Variants in SHTN1 observed in about 807,000 individuals in gnomAD.
The protein encoded by SHTN1 is shootin-1.
A neutral mutation model predicts 83.1 loss-of-function variants in SHTN1; 42 were observed. That is an observed-to-expected ratio of 0.51 (90% CI 0.39 to 0.65). The LOEUF is 0.65. Among genes scored for constraint, SHTN1 ranks in the 30% least tolerant of loss-of-function variants. The pLI is 0.00. For missense variants in SHTN1, 622 were observed against 737.8 expected (o/e 0.84, Z 1.82); for synonymous variants, 224 against 247.7 (o/e 0.90, Z 0.90).
chr10:117,120,652 T>G (rs925519530), intron 1 of SHTN1, among the ~76,000 whole-genome samples: 1 of 152,156 alleles, frequency 6.6e-6, no homozygotes, highest in African/African-American at 2.4e-5. Flanking sequence ...AATAAAAAAG[T>G]AAAAACAACA....
intron 1 of SHTN1, among the ~76,000 whole-genome samples, chr10:116,999,125 A>G (rs1227807086): frequency 6.6e-6 from 1 of 152,184 alleles, no homozygotes; most frequent in Admixed American, 6.5e-5. Flanking sequence ...CAACACAACC[A>G]GCCCAGAAGC....
At chr10:117,114,933 C>G (rs528222144) in intron 1 of SHTN1, among the ~76,000 whole-genome samples, 2 of 152,298 alleles carry the variant, frequency 1.3e-5, no homozygotes, top group African/African-American at 4.8e-5. Context: ...GGACCGGGTT[C>G]TAGCACAGGC....
intron 1 of SHTN1, among the ~76,000 whole-genome samples, chr10:117,004,324 G>A (rs1194817445): frequency 6.6e-6 from 1 of 152,108 alleles, no homozygotes. Flanking sequence ...TGAAAAAAAT[G>A]ATTGACTGAA....
intron 7 of SHTN1, among the ~76,000 whole-genome samples, chr10:116,948,288 C>T (rs1230317906): frequency 1.3e-5 from 2 of 152,178 alleles, no homozygotes. Flanking sequence ...CCACTGGAGA[C>T]ACTTCCCTCT....
Position 117,065,850 on chromosome 10 carries a change from A to G in SHTN1, c.-188-17340T>C, listed in dbSNP as rs1282454438. 3.4e-3 allele frequency among the ~76,000 whole-genome samples: 153 copies of G among 45,124 alleles called. 2 individuals carry two copies. The highest frequency in any genetic ancestry group is 9.4e-3 in the African/African-American group (127 of 13,502). The allele number at this position is 45,124 out of a possible 152,430, so 29.6% of individuals were successfully genotyped here. On this transcript the variant is annotated intron_variant, in intron 1 of 17. Transcript: ENST00000392901. ...GAAGGAAGGAAGGAAGGAAGGAAGG[A>G]AGGAAAGGAGGGAGGGAGGGAGGGA...
chr10:116,934,116 C>T (rs1000757518), intron 9 of SHTN1, among the ~76,000 whole-genome samples: 3 of 152,122 alleles, frequency 2.0e-5, no homozygotes, highest in African/African-American at 7.2e-5. Flanking sequence ...TGTAGATTGC[C>T]TGTTCACTCT....
chr10:116,887,639 C>G (rs969739353), intron 16 of SHTN1, among the ~76,000 whole-genome samples: 1 of 152,168 alleles, frequency 6.6e-6, no homozygotes, highest in Admixed American at 6.5e-5. Flanking sequence ...AGGAGACACT[C>G]TTTTACCACC....
chr10:116,979,623 A>G (rs1242123364), intron 1 of SHTN1, among the ~76,000 whole-genome samples: 1 of 152,228 alleles, frequency 6.6e-6, no homozygotes, highest in African/African-American at 2.4e-5. Context: ...AAAAGGAGAC[A>G]TGAGCCCACC....
chr10:116,949,834 T>C (rs1030106863), intron 6 of SHTN1, among the ~76,000 whole-genome samples: 38 of 151,978 alleles, frequency 2.5e-4, no homozygotes, highest in African/African-American at 8.7e-4. Flanking sequence ...TTGATGTCTA[T>C]CAACGAAAGA....
chr10:117,092,311 G>A (rs936488346), intron 1 of SHTN1, among the ~76,000 whole-genome samples: 2 of 152,108 alleles, frequency 1.3e-5, no homozygotes, highest in African/African-American at 4.8e-5. Flanking sequence ...CTCTAGTTTG[G>A]GTAATGACAC....
chr10:116,984,040 T>C (rs1454057216), intron 1 of SHTN1, among the ~76,000 whole-genome samples: 1 of 152,160 alleles, frequency 6.6e-6, no homozygotes, highest in East Asian at 1.9e-4. Flanking sequence ...AGTTCGTAAC[T>C]ACAAGCCAGT....
chr10:117,026,303 G>A (rs1179889912), intron 2 of SHTN1, among the ~76,000 whole-genome samples: 1 of 152,184 alleles, frequency 6.6e-6, no homozygotes, highest in Non-Finnish European at 1.5e-5. Flanking sequence ...GCCTGTGGTG[G>A]TAGTGGTCAC....
At chr10:116,934,795 C>T (rs1014898840) in intron 9 of SHTN1, among the ~76,000 whole-genome samples, 2 of 152,144 alleles carry the variant, frequency 1.3e-5, no homozygotes, top group African/African-American at 4.8e-5. Context: ...TTCTTCCTAT[C>T]CATGAGTATG....
In SHTN1 at chr10:116,885,038, C is replaced by G. The variant is rs545523136; in HGVS notation, c.*1306G>C. 4 of 152,676 alleles carry G rather than the reference C, an allele frequency of 2.6e-5. No individual in the cohort carries two copies. In the East Asian group the frequency reaches 5.8e-4, roughly 22 times the overall value. 9.5% of individuals were successfully genotyped at this position (152,676 alleles called of 1,614,324 possible). A position where few individuals can be genotyped will look rare whatever the true frequency, so the allele number is the denominator to read the frequency against. On this transcript the variant is annotated 3_prime_UTR_variant, in exon 17 of 17. Coordinates refer to ENST00000355371, the MANE Select transcript of SHTN1 (RefSeq NM_001127211.3). The stretch of plus-strand genomic sequence containing the variant: ...GAAACAGTCAAGCATAACGAACTTA[C>G]AGAAAGATAATTATCTCCAAATTTA...
intron 1 of SHTN1, among the ~76,000 whole-genome samples, chr10:117,112,606 A>C (rs1853784151): frequency 1.3e-5 from 2 of 152,224 alleles, no homozygotes; most frequent in African/African-American, 4.8e-5. Context: ...GCTCAGATAG[A>C]CTTAGTGATT....
chr10:116,931,881 T>A (rs1464790077), intron 9 of SHTN1, among the ~76,000 whole-genome samples: 6 of 152,242 alleles, frequency 3.9e-5, no homozygotes. Flanking sequence ...GAGCATATGC[T>A]ATTTTTATAA....
rs1231743591 is a variant in SHTN1 at position 116,929,919 on chromosome 10, C to T, written c.942G>A (p.Glu314=). The change falls in exon 10 of 17, where the codon GAG becomes GAA. Residue 314 remains glutamate, a synonymous_variant. Coordinates refer to ENST00000355371, the MANE Select transcript of SHTN1 (RefSeq NM_001127211.3). ...TCAATTCCAATTCCTTTTTATCTTC[C>T]TCTAGAAGCTCCAGTTGCTGTTTGA... The part of the protein sequence containing the change: ...HNLKQQLELL[E]EDKKELELKY... The T allele has an allele frequency of 6.2e-7, 1 of 1,607,846 alleles. No homozygotes were observed. The highest frequency in any genetic ancestry group is 1.3e-5 in the African/African-American group (1 of 74,616).
intron 15 of SHTN1, 85 bp from the exon 16 acceptor site, chr10:116,902,042 C>T: frequency 7.9e-7 from 1 of 1,265,856 alleles, no homozygotes; most frequent in East Asian, 2.8e-5. Context: ...AGCTGAAAAT[C>T]CCTCAAGAAG....
chr10:116,911,900 CAAT>C, intron 13 of SHTN1, 57 bp from the exon 14 acceptor site: 2 of 1,273,306 alleles, frequency 1.6e-6, no homozygotes, highest in Non-Finnish European at 2.3e-6. Flanking sequence ...AAATACTAAA[CAAT>C]GATTTTTACA....
Sources: allele counts gnomAD v4.1 joint callset (sites outside exome capture counted in the v4.1 genomes callset), GRCh38; gene constraint gnomAD v4.1.1; transcripts MANE v1.5; gene names NCBI Gene and HGNC (gene_info 2026-07-23, HGNC 2026-07-21).